The following DNAH6 variants were observed in gnomAD, a reference collection of about 807,000 sequenced individuals.
DNAH6 encodes axonemal beta dynein heavy chain 6.
Under a neutral mutation model 491.4 loss-of-function variants are expected in DNAH6, and 340 were observed. The observed-to-expected ratio is 0.69, with a 90% CI of 0.63 to 0.76. The LOEUF (loss-of-function observed/expected upper bound fraction) is 0.76, where lower values mean the gene tolerates loss of function less well. Ranked by LOEUF, DNAH6 falls within the 30% of genes least tolerant of loss-of-function variation. DNAH6 has a pLI of 0.00. For missense variants in DNAH6, 4,443 were observed against 4,972.2 expected (o/e 0.89, Z 3.20); for synonymous variants, 1,603 against 1,686.1 (o/e 0.95, Z 1.21).
chr2:84,508,436 C>T, the DNAH6 span, among the ~76,000 whole-genome samples: 3 of 151,912 alleles, frequency 2.0e-5, no homozygotes, highest in South Asian at 2.1e-4. Context: ...TTTTTTATTG[C>T]GTCTATTTGA....
At chr2:84,585,046 A>T (rs900707107) in intron 15 of DNAH6, among the ~76,000 whole-genome samples, 2 of 152,196 alleles carry the variant, frequency 1.3e-5, no homozygotes, top group Non-Finnish European at 2.9e-5. Context: ...ATACCTTTAC[A>T]TGTATTAACG....
At chr2:84,546,497 A>C (rs981649259) in intron 5 of DNAH6, among the ~76,000 whole-genome samples, 1 of 152,184 alleles carries the variant, frequency 6.6e-6, no homozygotes, top group African/African-American at 2.4e-5. Context: ...CTGGAACCCG[A>C]GGATACAGAA....
Position 84,624,455 on chromosome 2 carries a change from T to C in DNAH6, c.4198-10T>C. On this transcript the variant is annotated splice_polypyrimidine_tract_variant and intron_variant, in intron 27 of 76. Coordinates refer to ENST00000389394, the MANE Select transcript of DNAH6 (RefSeq NM_001370.2). ...GAAATTAGTGTATCTAATATGTATA[T>C]CACATATAGGTGGAGACAGTTGAAT... 4 of 1,550,866 alleles carry C rather than the reference T, an allele frequency of 2.6e-6. No individual in the cohort carries two copies. Among genetic ancestry groups the C allele is most frequent in the Non-Finnish European group, 3.5e-6 (4 of 1,146,372 alleles).
chr2:84,538,244 A>G (rs1182104609), intron 4 of DNAH6, among the ~76,000 whole-genome samples: 2 of 152,148 alleles, frequency 1.3e-5, no homozygotes, highest in Non-Finnish European at 2.9e-5. Flanking sequence ...CTTTCTGTAC[A>G]TTAATCTTCT....
chr2:84,694,150 A>T, intron 45 of DNAH6, 99 bp from the exon 46 acceptor site: 1 of 1,028,116 alleles, frequency 9.7e-7, no homozygotes, highest in Non-Finnish European at 1.5e-6. Context: ...CCCAGGGAGG[A>T]GGCTCCACTG....
Position 84,577,318 on chromosome 2 carries a change from G to T in DNAH6, c.1986G>T (p.Ala662=), listed in dbSNP as rs775847475. The T allele has an allele frequency of 1.1e-5, 18 of 1,611,172 alleles. No individual in the cohort carries two copies. Among genetic ancestry groups the T allele is most frequent in the Non-Finnish European group, 1.5e-5 (18 of 1,178,738 alleles). Residue 662 remains alanine (A), a synonymous_variant, in exon 13 of 77, where the codon GCG becomes GCT. Transcript: ENST00000389394. ...KYHKQHKDAV[A]LRPTRNVGLL... ...ACAAACAGCACAAGGACGCAGTAGC[G>T]CTCAGACCCACCAGAAATGTAGGAT... is the stretch of plus-strand genomic sequence containing the variant.
intron 35 of DNAH6, 78 bp downstream of exon 35, chr2:84,654,860 G>A (rs917191056): frequency 1.4e-6 from 2 of 1,461,096 alleles, no homozygotes; most frequent in Non-Finnish European, 1.9e-6. Context: ...ATAACAATAG[G>A]TTAAGGACTC....
intron 64 of DNAH6, among the ~76,000 whole-genome samples, chr2:84,769,783 AACTAGCAG>A (rs1675440489): frequency 6.6e-6 from 1 of 152,244 alleles, no homozygotes; most frequent in African/African-American, 2.4e-5. Context: ...CAGTTGAGGC[AACTAGCAG>A]ACAAAGCAGA....
chr2:84,502,716 C>T, the DNAH6 span, among the ~76,000 whole-genome samples: 2 of 152,062 alleles, frequency 1.3e-5, no homozygotes, highest in African/African-American at 4.8e-5. Context: ...GTTATATTTT[C>T]TTGCTGAATT....
intron 12 of DNAH6, 42 bp from the exon 13 acceptor site, chr2:84,577,215 A>G (rs1176308973): frequency 1.3e-5 from 17 of 1,262,516 alleles, no homozygotes; most frequent in Non-Finnish European, 1.7e-5. Flanking sequence ...TTTAAAATCC[A>G]ATATGGTATA....
rs571929641 is a variant in DNAH6, at chr2:84,668,162, G to C, written c.6085-1127G>C. On this transcript the variant is annotated intron_variant, in intron 37 of 76. Coordinates refer to ENST00000389394, the MANE Select transcript of DNAH6 (RefSeq NM_001370.2). ...GTAAGTGATGAGTTAACAGGTGCAG[G>C]GCACCAACATGGCACATGTATACAT... 3.3e-5 allele frequency among the ~76,000 whole-genome samples: 5 copies of C among 152,152 alleles called. No individual in the cohort carries two copies. The South Asian group carries it at 1.0e-3, about 32-fold the overall frequency.
chr2:84,755,841 G>C (rs1443240160), intron 63 of DNAH6, among the ~76,000 whole-genome samples: 1 of 152,208 alleles, frequency 6.6e-6, no homozygotes, highest in Non-Finnish European at 1.5e-5. Flanking sequence ...GAATTCTCAT[G>C]TGTTGTGGGA....
At chr2:84,553,122 C>A in intron 10 of DNAH6, 88 bp downstream of exon 10, 1 of 697,812 alleles carries the variant, frequency 1.4e-6, no homozygotes, top group Non-Finnish European at 2.5e-6. Context: ...GTCAGAATTG[C>A]AGTTGTCACC....
intron 29 of DNAH6, among the ~76,000 whole-genome samples, chr2:84,631,368 C>T (rs2104451621): frequency 6.6e-6 from 1 of 152,256 alleles, no homozygotes; most frequent in South Asian, 2.1e-4. Context: ...CATAAACTTG[C>T]CCCTGCTTCC....
At chr2:84,635,750 T>C (rs765852409) in intron 30 of DNAH6, among the ~76,000 whole-genome samples, 1 of 152,114 alleles carries the variant, frequency 6.6e-6, no homozygotes, top group Admixed American at 6.5e-5. Flanking sequence ...GTATACTGTT[T>C]AGAATAGGTA....
At chr2:84,627,669 T>C (rs1218987253) in intron 29 of DNAH6, among the ~76,000 whole-genome samples, 1 of 152,170 alleles carries the variant, frequency 6.6e-6, no homozygotes, top group South Asian at 2.1e-4. Flanking sequence ...GTTTGTCATT[T>C]TGGGGAACTC....
chr2:84,619,892 A>G lies in DNAH6; in HGVS notation c.3780A>G (p.Pro1260=), dbSNP rs969034032. 13 of 1,550,544 alleles carry G rather than the reference A, an allele frequency of 8.4e-6. No individual in the cohort carries two copies. The highest frequency in any genetic ancestry group is 2.4e-5 in the South Asian group (2 of 84,038). The part of the protein sequence containing the change: ...YTNDILAMLS[P]EGERVSLGKG... ...ATGATATTTTAGCAATGCTGTCACC[A>G]GAGGGAGAAAGGGTGAGGTGCTTTT... Residue 1260 remains proline (P), a synonymous_variant, in exon 24 of 77, where the codon CCA becomes CCG. Coordinates refer to ENST00000389394, the MANE Select transcript of DNAH6 (RefSeq NM_001370.2).
At chr2:84,499,935 G>A in the DNAH6 span, among the ~76,000 whole-genome samples, 1 of 150,574 alleles carries the variant, frequency 6.6e-6, no homozygotes, top group South Asian at 2.1e-4. Context: ...ATATATTCCG[G>A]TTAGTAATCT....
At chr2:84,518,075 A>G in intron 2 of DNAH6, 24 bp downstream of exon 2, 1 of 1,496,828 alleles carries the variant, frequency 6.7e-7, no homozygotes, top group South Asian at 1.3e-5. Context: ...CCATTGTTTT[A>G]GCCTCTGTAG....
Sources: gnomAD v4.1 joint callset for allele counts (sites outside exome capture counted in the v4.1 genomes callset) on GRCh38, gnomAD v4.1.1 for gene constraint, MANE v1.5 for transcripts, NCBI Gene and HGNC (gene_info 2026-07-23, HGNC 2026-07-21) for gene names.